KCNAB2: variants seen among roughly 807,000 people sequenced by gnomAD.
KCNAB2 encodes potassium voltage-gated channel subfamily A regulatory beta subunit 2, also known as voltage-gated potassium channel subunit beta-2.
In KCNAB2, 29 loss-of-function variants were observed where a neutral mutation model predicts 63.6. That is an observed-to-expected ratio of 0.46 (90% confidence interval 0.34 to 0.62). The LOEUF is 0.62. Among genes scored for constraint, KCNAB2 ranks in the 20% least tolerant of loss-of-function variants. The probability of loss-of-function intolerance (pLI) is 0.01; values close to 1 mark genes in which losing one functional copy is unlikely to be tolerated. For synonymous variants in KCNAB2, 222 were observed against 224.2 expected, an observed-to-expected ratio of 0.99 and a Z score of 0.09; for missense variants, 359 against 563.9, an observed-to-expected ratio of 0.64 and a Z score of 3.68.
chr1:6,093,358 A>G (rs1027382318), intron 10 of KCNAB2, among the ~76,000 whole-genome samples: 1 of 152,260 alleles, frequency 6.6e-6, no homozygotes, highest in Non-Finnish European at 1.5e-5. Flanking sequence ...TGCAAAGCTC[A>G]GAGGCTTCTG....
At chr1:6,046,395 C>G (rs3789558) in intron 1 of KCNAB2, among the ~76,000 whole-genome samples, 4,476 of 152,232 alleles carry the variant, frequency 0.029, 94 homozygotes, top group South Asian at 0.095. Flanking sequence ...GGGTGGTGGG[C>G]GGCAGGTTTC....
At chr1:6,046,872 A>G (rs955781265) in intron 1 of KCNAB2, among the ~76,000 whole-genome samples, 1 of 152,200 alleles carries the variant, frequency 6.6e-6, no homozygotes, top group Non-Finnish European at 1.5e-5. Context: ...AAACAGAACA[A>G]TTCAGAAATT....
At chr1:6,059,679 G>A (rs146901235) in intron 2 of KCNAB2, among the ~76,000 whole-genome samples, 45 of 152,274 alleles carry the variant, frequency 3.0e-4, no homozygotes, top group Middle Eastern at 3.4e-3. Flanking sequence ...AGAGGTGCTC[G>A]CTTGGGGCTG....
At chr1:6,015,693 G>C (rs1247592637) in intron 1 of KCNAB2, among the ~76,000 whole-genome samples, 3 of 152,090 alleles carry the variant, frequency 2.0e-5, no homozygotes, top group Non-Finnish European at 2.9e-5. Context: ...TTGGTTGATT[G>C]GTTGGTTGGT....
intron 1 of KCNAB2, among the ~76,000 whole-genome samples, chr1:6,021,502 A>G (rs959878309): frequency 7.2e-5 from 11 of 152,350 alleles, no homozygotes; most frequent in African/African-American, 2.2e-4. Context: ...ATAAAATTCA[A>G]TAGTATTAAG....
Position 6,078,794 on chromosome 1 carries a change from C to T in KCNAB2, c.301-3401C>T, listed in dbSNP as rs1038853185. Reference sequence around the variant, plus strand: ...CAGCGTGTGCACGATCCCATGTACTCGGAAGGCACATCCTGATGTGGCAGG... The same window carrying T: ...CAGCGTGTGCACGATCCCATGTACTTGGAAGGCACATCCTGATGTGGCAGG... On this transcript the variant is annotated intron_variant, in intron 4 of 15. Coordinates refer to ENST00000378083, the MANE Select transcript of KCNAB2 (RefSeq NM_001199862.2). This position sits in a 1 kb window ranked among gnomAD's most constrained non-coding sequence, Gnocchi z 4.2. Among the ~76,000 whole-genome samples the T allele has an allele frequency of 2.6e-5, 4 of 151,852 alleles. No homozygotes were observed. Among genetic ancestry groups the T allele is most frequent in the South Asian group, 4.1e-4 (2 of 4,824 alleles).
At chr1:6,001,338 AAC>A (rs1471752208) in intron 1 of KCNAB2, among the ~76,000 whole-genome samples, 15 of 149,726 alleles carry the variant, frequency 1.0e-4, no homozygotes, top group Non-Finnish European at 2.2e-4. Context: ...ACACTCTCCC[AAC>A]ACACACACAG....
chr1:6,060,236 C>T (rs192435164), intron 2 of KCNAB2, among the ~76,000 whole-genome samples: 2 of 152,202 alleles, frequency 1.3e-5, no homozygotes, highest in Non-Finnish European at 2.9e-5. Context: ...TACTCCTGGG[C>T]ACCGCTGATG....
At position 6,024,921 on chromosome 1, in the gene KCNAB2, C is replaced by A. The variant is rs1409844144; in HGVS notation, c.-52-15596C>A. ...TGGATGTTATTTAATATTCTTGGGC[C>A]TCAATTTCCCCATCTGTAAAAAGCA... On this transcript the variant is annotated intron_variant, in intron 1 of 16. Transcript: ENST00000341524. The surrounding 1 kb of genome is among the most constrained non-coding windows in gnomAD (Gnocchi z 5.4). Among the ~76,000 whole-genome samples the A allele has an allele frequency of 6.6e-6, 1 of 152,166 alleles. No homozygotes were observed. The highest frequency in any genetic ancestry group is 1.5e-5 in the Non-Finnish European group (1 of 68,038).
chr1:6,097,759 C>G, intron 15 of KCNAB2: 1 of 429,748 alleles, frequency 2.3e-6, no homozygotes, highest in Middle Eastern at 6.0e-4. Context: ...CTTCCACCAG[C>G]AGGAAGAGTT....
At chr1:6,053,791 A>G (rs1047137779) in intron 2 of KCNAB2, among the ~76,000 whole-genome samples, 4 of 152,176 alleles carry the variant, frequency 2.6e-5, no homozygotes, top group African/African-American at 9.7e-5. Context: ...ACCTCAGAAT[A>G]TGACGTTAGG....
intron 2 of KCNAB2, among the ~76,000 whole-genome samples, chr1:6,059,245 C>T (rs1447740529): frequency 6.6e-6 from 1 of 152,174 alleles, no homozygotes; most frequent in Non-Finnish European, 1.5e-5. Flanking sequence ...GGCTGGAGTG[C>T]AGTGGTGCAA....
intron 1 of KCNAB2, among the ~76,000 whole-genome samples, chr1:6,001,096 G>A (rs1657232021): frequency 6.6e-6 from 1 of 152,124 alleles, no homozygotes; most frequent in South Asian, 2.1e-4. Flanking sequence ...GAGGGACAAG[G>A]GCAGGTAAGG....
In KCNAB2 at chr1:6,071,309, C is replaced by T. The variant is rs186581394; in HGVS notation, c.219-1446C>T. Among the ~76,000 whole-genome samples, 369 of 152,318 alleles carry T rather than the reference C, an allele frequency of 2.4e-3. No individual in the cohort carries two copies. Among genetic ancestry groups the T allele is most frequent in the Middle Eastern group, 0.01 (3 of 294 alleles). ...TTGGGCCAGGAGGCTGGGCCTCACC[C>T]GCTGGTAACTCATGGCTCTCACTCC... On this transcript the variant is annotated intron_variant, in intron 2 of 15. Coordinates refer to ENST00000378083, the MANE Select transcript of KCNAB2 (RefSeq NM_001199862.2). The surrounding 1 kb of genome is among the most constrained non-coding windows in gnomAD (Gnocchi z 8.5).
intron 2 of KCNAB2, among the ~76,000 whole-genome samples, chr1:6,065,099 C>G (rs921287721): frequency 1.3e-5 from 2 of 152,226 alleles, no homozygotes; most frequent in Admixed American, 6.5e-5. Context: ...AATCCCCCAG[C>G]GGATACCCCA....
upstream of KCNAB2, among the ~76,000 whole-genome samples, chr1:6,044,519 C>T (rs1660760032): frequency 6.6e-6 from 1 of 152,146 alleles, no homozygotes; most frequent in African/African-American, 2.4e-5. Context: ...CAGGAAGTGA[C>T]AGTTACCCAG....
At position 6,073,110 on chromosome 1, in the gene KCNAB2, T is replaced by C. The variant is rs973695937; in HGVS notation, c.262+312T>C. Among the ~76,000 whole-genome samples the C allele has an allele frequency of 5.9e-5, 9 of 151,520 alleles. No homozygotes were observed. The highest frequency in any genetic ancestry group is 2.2e-4 in the African/African-American group (9 of 41,156). On this transcript the variant is annotated intron_variant, in intron 3 of 15. Coordinates refer to ENST00000378083, the MANE Select transcript of KCNAB2 (RefSeq NM_001199862.2). This position sits in a 1 kb window ranked among gnomAD's most constrained non-coding sequence, Gnocchi z 5.7. ...TCAGAGGCCCTTAGGGCCCCGGGAG[T>C]GCAACGAAGACACCTTACCTTCCAA...
intron 1 of KCNAB2, among the ~76,000 whole-genome samples, chr1:6,020,690 G>A (rs555535956): frequency 2.6e-5 from 4 of 152,180 alleles, no homozygotes; most frequent in African/African-American, 4.8e-5. Context: ...TTTTTGAGAC[G>A]GAGTCTCGCT....
intron 1 of KCNAB2, among the ~76,000 whole-genome samples, chr1:6,000,364 C>T (rs1187111927): frequency 3.3e-5 from 5 of 152,208 alleles, no homozygotes; most frequent in South Asian, 4.1e-4. Flanking sequence ...CTCCCCGTTC[C>T]GCAGGGACAC....
Sources: allele counts gnomAD v4.1 joint callset (sites outside exome capture counted in the v4.1 genomes callset), GRCh38; gene constraint gnomAD v4.1.1; non-coding constraint Gnocchi (gnomAD v3.1); transcripts MANE v1.5; gene names NCBI Gene and HGNC (gene_info 2026-07-23, HGNC 2026-07-21).